Variants in PDZRN3 observed in about 807,000 individuals in gnomAD.
PDZRN3 encodes E3 ubiquitin-protein ligase PDZRN3.
In PDZRN3, 38 loss-of-function variants were observed where a neutral mutation model predicts 85.7. The observed-to-expected ratio is 0.44, with a 90% CI of 0.34 to 0.58. The LOEUF (loss-of-function observed/expected upper bound fraction) is 0.58, where lower values mean the gene tolerates loss of function less well. Ranked by LOEUF, PDZRN3 falls within the 20% of genes least tolerant of loss-of-function variation. The pLI, the probability that PDZRN3 is intolerant of heterozygous loss-of-function variation, is 0.01. For missense variants in PDZRN3, 1,629 were observed against 1,506.4 expected (o/e 1.08, Z -1.35); for synonymous variants, 759 against 638.0 (o/e 1.19, Z -2.86).
chr3:73,433,489 A>G, intron 3 of PDZRN3: 1 of 596,640 alleles, frequency 1.7e-6, no homozygotes, highest in South Asian at 2.3e-5. Flanking sequence ...ACTTAAGAGA[A>G]AATACACAAA....
chr3:73,506,160 A>G (rs1310587433), intron 3 of PDZRN3, among the ~76,000 whole-genome samples: 1 of 152,224 alleles, frequency 6.6e-6, no homozygotes, highest in Non-Finnish European at 1.5e-5. Flanking sequence ...GAATATCAAC[A>G]TAAGCAGAAT....
intron 3 of PDZRN3, among the ~76,000 whole-genome samples, chr3:73,506,768 C>T (rs1437179541): frequency 6.6e-6 from 1 of 151,930 alleles, no homozygotes; most frequent in Non-Finnish European, 1.5e-5. Context: ...TCTTCAGGCA[C>T]GGTGGCTCAT....
intron 3 of PDZRN3, among the ~76,000 whole-genome samples, chr3:73,597,742 CAA>C (rs35587987): frequency 4.6e-4 from 49 of 107,386 alleles, no homozygotes; most frequent in Admixed American, 8.9e-4. Flanking sequence ...AAGCCATGAC[CAA>C]AAAAAAAAAA....
chr3:73,595,709 G>A lies in PDZRN3; in HGVS notation c.918+6645C>T, dbSNP rs535877957. On this transcript the variant is annotated intron_variant, in intron 3 of 9. Transcript: ENST00000263666. ...GATTTAATTCAAAGGAAAAAAGCAC[G>A]TGGATCAGTATTTTAAAAAGGATTC... 2.0e-4 allele frequency among the ~76,000 whole-genome samples: 30 copies of A among 152,210 alleles called. 1 individual carries two copies. In the South Asian group the frequency reaches 5.4e-3, roughly 27 times the overall value.
At chr3:73,481,716 A>G (rs1703565172) in intron 3 of PDZRN3, among the ~76,000 whole-genome samples, 2 of 152,224 alleles carry the variant, frequency 1.3e-5, no homozygotes, top group Admixed American at 1.3e-4. Flanking sequence ...TCTTACTCTT[A>G]TTTCTTGCCC....
intron 3 of PDZRN3, among the ~76,000 whole-genome samples, chr3:73,592,438 C>T (rs561973871): frequency 1.2e-4 from 19 of 152,148 alleles, no homozygotes; most frequent in South Asian, 2.1e-4. Flanking sequence ...TCCCTGAAAG[C>T]TGTCAAATGA....
intron 3 of PDZRN3, among the ~76,000 whole-genome samples, chr3:73,499,862 T>C (rs1703942776): frequency 6.6e-6 from 1 of 152,170 alleles, no homozygotes. Flanking sequence ...TGAAAGTACC[T>C]ACCTCTACAT....
In PDZRN3 at chr3:73,450,529, G is replaced by C. The variant is rs183922329; in HGVS notation, c.919-46134C>G. 3.9e-5 allele frequency among the ~76,000 whole-genome samples: 6 copies of C among 152,268 alleles called. No homozygotes were observed. In the East Asian group the frequency reaches 1.2e-3, roughly 29 times the overall value. Reference sequence around the variant, plus strand: ...GTCACGATTCATTTTCTTTTTAGCAGGGAGGACATGCTATACATCTAATCA... The same window carrying C: ...GTCACGATTCATTTTCTTTTTAGCACGGAGGACATGCTATACATCTAATCA... On this transcript the variant is annotated intron_variant, in intron 3 of 9. Coordinates refer to ENST00000263666, the MANE Select transcript of PDZRN3 (RefSeq NM_015009.3).
intron 3 of PDZRN3, among the ~76,000 whole-genome samples, chr3:73,535,371 T>C (rs761783462): frequency 2.6e-5 from 4 of 152,122 alleles, no homozygotes; most frequent in Admixed American, 1.3e-4. Flanking sequence ...GATATGCAAA[T>C]AAGGACTTGG....
chr3:73,497,442 G>A (rs1223241664), intron 3 of PDZRN3, among the ~76,000 whole-genome samples: 1 of 152,146 alleles, frequency 6.6e-6, no homozygotes, highest in Non-Finnish European at 1.5e-5. Flanking sequence ...AATCAAAAGA[G>A]CTGGAATATC....
intron 3 of PDZRN3, among the ~76,000 whole-genome samples, chr3:73,590,887 A>C (rs557851350): frequency 6.6e-6 from 1 of 152,218 alleles, no homozygotes; most frequent in Non-Finnish European, 1.5e-5. Context: ...TTTTACGTGA[A>C]GTTCTCCCTC....
chr3:73,425,275 C>T (rs1181567998), intron 3 of PDZRN3, among the ~76,000 whole-genome samples: 3 of 152,100 alleles, frequency 2.0e-5, no homozygotes, highest in Non-Finnish European at 2.9e-5. Context: ...GCCTCAGCCT[C>T]CCAAAGTGCT....
intron 5 of PDZRN3, among the ~76,000 whole-genome samples, chr3:73,391,780 G>A (rs1271197000): frequency 2.0e-5 from 3 of 152,186 alleles, no homozygotes; most frequent in Non-Finnish European, 2.9e-5. Context: ...TTTGGAAATT[G>A]TTGGAGCCTT....
intron 3 of PDZRN3, among the ~76,000 whole-genome samples, chr3:73,416,802 A>G (rs959669677): frequency 7.3e-5 from 11 of 151,124 alleles, no homozygotes; most frequent in Non-Finnish European, 1.6e-4. Context: ...CGTTGTTTTT[A>G]GAACCATATT....
intron 3 of PDZRN3, among the ~76,000 whole-genome samples, chr3:73,505,771 TA>T (rs1274848271): frequency 2.6e-5 from 4 of 151,484 alleles, no homozygotes; most frequent in South Asian, 2.1e-4. Context: ...CTTGTTTTTT[TA>T]AAAAAAAACA....
Position 73,524,097 on chromosome 3 carries a change from G to C in PDZRN3, c.918+78257C>G, listed in dbSNP as rs577020192. ...CTCCTTTCACAAGGCACTATATTCA[G>C]GGTATTTGGGAAACATTTGGACTAA... On this transcript the variant is annotated intron_variant, in intron 3 of 9. Transcript: ENST00000263666. Among the ~76,000 whole-genome samples the C allele has an allele frequency of 9.9e-4, 151 of 152,252 alleles. 2 individuals are homozygous for C. Among genetic ancestry groups the C allele is most frequent in the African/African-American group, 3.5e-3 (145 of 41,532 alleles).
chr3:73,441,642 A>G (rs1341334548), intron 3 of PDZRN3, among the ~76,000 whole-genome samples: 2 of 152,146 alleles, frequency 1.3e-5, no homozygotes, highest in Non-Finnish European at 2.9e-5. Context: ...AATTTGCCCA[A>G]GAGCACACAG....
chr3:73,557,651 TTC>T, intron 3 of PDZRN3, among the ~76,000 whole-genome samples: 2 of 514 alleles, frequency 3.9e-3, no homozygotes, highest in African/African-American at 0.017. Flanking sequence ...TTTTCTGCCA[TTC>T]TGCCATTCTG....
intron 4 of PDZRN3, among the ~76,000 whole-genome samples, chr3:73,402,941 C>CTTTTTTTTTTTTTTTTTTTTTT (rs140037400): frequency 1.7e-5 from 2 of 115,650 alleles, no homozygotes; most frequent in African/African-American, 7.5e-5. Flanking sequence ...ACATGAAAAG[C>CTTTTTTTTTTTTTTTTTTTTTT]TTTTTTTTTT....
Sources: gnomAD v4.1 joint callset for allele counts (sites outside exome capture counted in the v4.1 genomes callset) on GRCh38, gnomAD v4.1.1 for gene constraint, MANE v1.5 for transcripts, NCBI Gene and HGNC (gene_info 2026-07-23, HGNC 2026-07-21) for gene names.